The following GPC5 variants were observed in gnomAD, a reference collection of about 807,000 sequenced individuals.
GPC5 encodes glypican-5.
GPC5 carries 47 observed loss-of-function variants against 53.9 expected under a neutral mutation model. The observed-to-expected ratio is 0.87, with a 90% CI of 0.69 to 1.11. The LOEUF is 1.11. Among genes scored for constraint, GPC5 ranks in the 50% most tolerant of loss-of-function variants. The pLI, the probability that GPC5 is intolerant of heterozygous loss-of-function variation, is 0.00. For synonymous variants in GPC5, 286 were observed against 263.3 expected (o/e 1.09, Z -0.84); for missense variants, 748 against 713.1 (o/e 1.05, Z -0.56).
intron 2 of GPC5, among the ~76,000 whole-genome samples, chr13:91,632,641 T>C (rs2034187522): frequency 6.6e-6 from 1 of 152,064 alleles, no homozygotes; most frequent in African/African-American, 2.4e-5. Context: ...CACTTTAAAC[T>C]TACCTGAGAC....
chr13:91,432,524 T>G (rs1436659134), intron 1 of GPC5, among the ~76,000 whole-genome samples: 1 of 152,192 alleles, frequency 6.6e-6, no homozygotes, highest in Admixed American at 6.5e-5. Flanking sequence ...TTTATGTATA[T>G]GAGGGGCAGT....
chr13:92,475,138 T>C (rs553088021), intron 7 of GPC5, among the ~76,000 whole-genome samples: 1 of 152,226 alleles, frequency 6.6e-6, no homozygotes, highest in East Asian at 1.9e-4. Context: ...GGTAGTGTGA[T>C]GCTTCCAGCT....
intron 2 of GPC5, among the ~76,000 whole-genome samples, chr13:91,503,361 C>G (rs1427130033): frequency 1.3e-5 from 2 of 151,870 alleles, no homozygotes; most frequent in East Asian, 1.9e-4. Flanking sequence ...TAAAGTTGAC[C>G]AAGAATACCA....
intron 6 of GPC5, among the ~76,000 whole-genome samples, chr13:91,919,759 C>T (rs562806284): frequency 6.6e-6 from 1 of 152,144 alleles, no homozygotes; most frequent in Non-Finnish European, 1.5e-5. Flanking sequence ...GAAGGCTCCT[C>T]ATTCAAAATT....
chr13:92,024,477 G>A (rs1195503264), intron 6 of GPC5, among the ~76,000 whole-genome samples: 1 of 151,948 alleles, frequency 6.6e-6, no homozygotes, highest in African/African-American at 2.4e-5. Context: ...CTTTATAAAA[G>A]CTTTTTAACA....
Position 91,957,642 on chromosome 13 carries a change from G to GAT in GPC5, c.1401+49590_1401+49591dup, listed in dbSNP as rs560629706. On this transcript the variant is annotated intron_variant, in intron 6 of 7. Coordinates refer to ENST00000377067, the MANE Select transcript of GPC5 (RefSeq NM_004466.6). ...CTTACAGGTCAGGAGAGAATGGGATGATATATGCAAAGTGATGAAAGAAAA... is the reference window on the plus strand; with the variant it reads ...CTTACAGGTCAGGAGAGAATGGGATGATATATATGCAAAGTGATGAAAGAAAA... Among the ~76,000 whole-genome samples, 150 of 152,222 alleles carry GAT rather than the reference G, an allele frequency of 9.9e-4. 2 individuals are homozygous for GAT. The highest frequency in any genetic ancestry group is 3.2e-3 in the African/African-American group (133 of 41,566).
chr13:92,459,719 T>C (rs1228759663), intron 7 of GPC5, among the ~76,000 whole-genome samples: 1 of 152,224 alleles, frequency 6.6e-6, no homozygotes, highest in Non-Finnish European at 1.5e-5. Flanking sequence ...TTAGTCCTGA[T>C]GAAATGCATA....
At chr13:92,052,654 G>A (rs2041040108) in intron 6 of GPC5, among the ~76,000 whole-genome samples, 1 of 152,192 alleles carries the variant, frequency 6.6e-6, no homozygotes, top group Non-Finnish European at 1.5e-5. Context: ...GCTAGACACA[G>A]AGTGCTGATT....
intron 2 of GPC5, among the ~76,000 whole-genome samples, chr13:91,480,729 C>T (rs1388737426): frequency 6.6e-6 from 1 of 152,132 alleles, no homozygotes; most frequent in Non-Finnish European, 1.5e-5. Context: ...ATGGTTATAC[C>T]TATGGAGCGC....
At chr13:92,002,851 C>G (rs964730068) in intron 6 of GPC5, among the ~76,000 whole-genome samples, 3 of 152,198 alleles carry the variant, frequency 2.0e-5, no homozygotes, top group African/African-American at 7.2e-5. Flanking sequence ...CTTCCCTGTG[C>G]CAGCACTCTG....
At chr13:91,915,646 AT>A (rs1451504687) in intron 6 of GPC5, among the ~76,000 whole-genome samples, 5 of 152,118 alleles carry the variant, frequency 3.3e-5, no homozygotes, top group Non-Finnish European at 7.4e-5. Flanking sequence ...TATATTTTTT[AT>A]TTAGGTGACT....
At chr13:92,169,304 C>T (rs1335308974) in intron 7 of GPC5, among the ~76,000 whole-genome samples, 1 of 152,198 alleles carries the variant, frequency 6.6e-6, no homozygotes, top group East Asian at 1.9e-4. Flanking sequence ...ATGTAACCAA[C>T]CTGCACATCC....
At chr13:92,351,632 C>G (rs1477033757) in intron 7 of GPC5, among the ~76,000 whole-genome samples, 2 of 151,854 alleles carry the variant, frequency 1.3e-5, no homozygotes, top group Non-Finnish European at 2.9e-5. Flanking sequence ...TGATATAATA[C>G]AAGTGTTTAA....
chr13:91,593,394 T>C (rs183307578), intron 2 of GPC5, among the ~76,000 whole-genome samples: 92 of 152,356 alleles, frequency 6.0e-4, no homozygotes, highest in Non-Finnish European at 1.2e-3. Flanking sequence ...CATCTTGTCC[T>C]CCAGTCATGT....
At chr13:92,859,977 G>T (rs1442180984) in intron 7 of GPC5, among the ~76,000 whole-genome samples, 1 of 151,962 alleles carries the variant, frequency 6.6e-6, no homozygotes, top group Non-Finnish European at 1.5e-5. Context: ...AGAAAAAAAA[G>T]TCTAGTTATT....
At chr13:92,493,103 GT>G (rs1879827402) in intron 7 of GPC5, among the ~76,000 whole-genome samples, 1 of 152,110 alleles carries the variant, frequency 6.6e-6, no homozygotes, top group African/African-American at 2.4e-5. Context: ...GACTCAACAG[GT>G]TCATGACATT....
intron 7 of GPC5, among the ~76,000 whole-genome samples, chr13:92,436,740 T>C (rs974818972): frequency 6.6e-6 from 1 of 152,194 alleles, no homozygotes; most frequent in African/African-American, 2.4e-5. Context: ...TAATACAGTG[T>C]CTGCTGCTTT....
chr13:91,726,831 A>T (rs1353599116), intron 3 of GPC5, among the ~76,000 whole-genome samples: 1 of 152,134 alleles, frequency 6.6e-6, no homozygotes, highest in African/African-American at 2.4e-5. Context: ...AGCTGCTGTG[A>T]TGAGTTTTCT....
At chr13:92,378,044 C>T (rs1230326618) in intron 7 of GPC5, among the ~76,000 whole-genome samples, 1 of 152,004 alleles carries the variant, frequency 6.6e-6, no homozygotes, top group Admixed American at 6.6e-5. Flanking sequence ...TTTTCTCTTT[C>T]TAATGACTTA....
Sources: gnomAD v4.1 joint callset for allele counts (sites outside exome capture counted in the v4.1 genomes callset) on GRCh38, gnomAD v4.1.1 for gene constraint, MANE v1.5 for transcripts, NCBI Gene and HGNC (gene_info 2026-07-23, HGNC 2026-07-21) for gene names.